Variants in IFT57 observed in about 807,000 individuals in gnomAD.
IFT57 encodes intraflagellar transport 57.
Under a neutral mutation model 56.8 loss-of-function variants are expected in IFT57, and 59 were observed. That is an observed-to-expected ratio of 1.04 (90% CI 0.84 to 1.29). The LOEUF (loss-of-function observed/expected upper bound fraction) is 1.29. Among genes scored for constraint, IFT57 ranks in the 50% most tolerant of loss-of-function variants. The pLI, the probability that IFT57 is intolerant of heterozygous loss-of-function variation, is 0.00. For missense variants in IFT57, 470 were observed against 522.1 expected, an observed-to-expected ratio of 0.90 and a Z score of 0.97; for synonymous variants, 209 against 186.1, an observed-to-expected ratio of 1.12 and a Z score of -1.00.
chr3:108,167,074 T>A, intron 7 of IFT57, 89 bp from the exon 8 acceptor site: 1 of 1,175,806 alleles, frequency 8.5e-7, no homozygotes, highest in Non-Finnish European at 1.2e-6. Flanking sequence ...CAATCCATTC[T>A]ACAAATAATC....
intron 6 of IFT57, among the ~76,000 whole-genome samples, chr3:108,183,924 C>G (rs2080164988): frequency 1.3e-5 from 2 of 152,090 alleles, no homozygotes; most frequent in South Asian, 4.1e-4. Context: ...TCTTTGGCAG[C>G]TCAGCTTCAA....
chr3:108,187,277 TGCATTCTTTGAGAACTG>T (rs1008830500), intron 6 of IFT57, among the ~76,000 whole-genome samples: 5 of 152,226 alleles, frequency 3.3e-5, no homozygotes, highest in African/African-American at 9.6e-5. Flanking sequence ...AAAATTAGTT[TGCATTCTTTGAGAACTG>T]GCAATAGTAG....
intron 6 of IFT57, among the ~76,000 whole-genome samples, chr3:108,179,382 A>G (rs768749392): frequency 1.3e-5 from 2 of 151,998 alleles, no homozygotes; most frequent in Non-Finnish European, 2.9e-5. Flanking sequence ...ACCATGATAG[A>G]AGGAGGTGCA....
At chr3:108,172,152 G>GT in intron 6 of IFT57, among the ~76,000 whole-genome samples, 1 of 151,846 alleles carries the variant, frequency 6.6e-6, no homozygotes, top group Non-Finnish European at 1.5e-5. Context: ...AAAACTCCAT[G>GT]GAGGGGCTGG....
intron 6 of IFT57, among the ~76,000 whole-genome samples, chr3:108,190,299 G>A (rs567475107): frequency 2.6e-5 from 4 of 152,216 alleles, no homozygotes; most frequent in East Asian, 1.9e-4. Flanking sequence ...GGGAGAGGCC[G>A]GGGCAGAATT....
intron 5 of IFT57, among the ~76,000 whole-genome samples, chr3:108,192,246 G>A (rs1163891106): frequency 6.9e-6 from 1 of 144,570 alleles, no homozygotes; most frequent in African/African-American, 2.6e-5. Context: ...AAATCTGAAA[G>A]ACAAAATATA....
intron 5 of IFT57, among the ~76,000 whole-genome samples, chr3:108,194,720 C>A (rs1053682579): frequency 6.6e-5 from 10 of 152,030 alleles, no homozygotes; most frequent in African/African-American, 2.4e-4. Context: ...GATAAAAACA[C>A]CAAGAACATA....
intron 1 of IFT57, among the ~76,000 whole-genome samples, chr3:108,221,564 A>C (rs1195799749): frequency 2.0e-5 from 3 of 152,240 alleles, no homozygotes; most frequent in African/African-American, 7.2e-5. Context: ...AACCATAGCA[A>C]GTAGTTAACA....
At chr3:108,217,486 A>G (rs2107222369) in intron 3 of IFT57, among the ~76,000 whole-genome samples, 1 of 152,182 alleles carries the variant, frequency 6.6e-6, no homozygotes, top group East Asian at 1.9e-4. Context: ...ATTGTACTAA[A>G]TAATAATGTT....
At chr3:108,182,572 C>T (rs992211287) in intron 6 of IFT57, among the ~76,000 whole-genome samples, 2 of 152,022 alleles carry the variant, frequency 1.3e-5, no homozygotes, top group African/African-American at 2.4e-5. Flanking sequence ...CTCAAGGCAA[C>T]GCTTATACAG....
chr3:108,209,649 T>C (rs144451849), intron 4 of IFT57, among the ~76,000 whole-genome samples: 190 of 152,326 alleles, frequency 1.2e-3, no homozygotes, highest in African/African-American at 4.4e-3. Context: ...ATGGGCTTTA[T>C]TCAATCCACT....
At chr3:108,199,936 A>G (rs1447343155) in intron 5 of IFT57, among the ~76,000 whole-genome samples, 1 of 152,224 alleles carries the variant, frequency 6.6e-6, no homozygotes, top group Non-Finnish European at 1.5e-5. Flanking sequence ...AATAGGAAAG[A>G]GAAGCATTGG....
At chr3:108,198,939 G>A (rs2080261384) in intron 5 of IFT57, among the ~76,000 whole-genome samples, 1 of 151,390 alleles carries the variant, frequency 6.6e-6, no homozygotes, top group African/African-American at 2.4e-5. Flanking sequence ...CCACATATTT[G>A]TATTATTTTA....
rs751552757 is a variant in IFT57 at position 108,222,261 on chromosome 3, C to A, written c.62G>T (p.Arg21Leu). Reference protein sequence around the residue: ...SGLEDGVPRSRGEGTGEVVLE... With the variant: ...SGLEDGVPRSLGEGTGEVVLE... ...GACCACTTCCCCGGTCCCTTCGCCA[C>A]GGGACCTAGGCACCCCATCTTCCAA... is the stretch of plus-strand genomic sequence containing the variant. The change falls in exon 1 of 11, where the codon CGT becomes CTT. Residue 21 changes from arginine (R) to leucine (L), a missense_variant. Transcript: ENST00000264538. The A allele has an allele frequency of 1.2e-6, 2 of 1,614,068 alleles. No individual in the cohort carries two copies. The highest frequency in any genetic ancestry group is 1.7e-6 in the Non-Finnish European group (2 of 1,180,022).
At chr3:108,192,682 A>G (rs910452629) in intron 5 of IFT57, among the ~76,000 whole-genome samples, 3 of 152,062 alleles carry the variant, frequency 2.0e-5, no homozygotes, top group African/African-American at 7.2e-5. Context: ...AAGATACTAA[A>G]GGGATATAAA....
In IFT57 at chr3:108,162,321, G is replaced by A. The variant is rs1490360175; in HGVS notation, c.*156C>T. On this transcript the variant is annotated 3_prime_UTR_variant, in exon 11 of 11. Transcript: ENST00000264538. Reference sequence around the variant, plus strand: ...ATTAAACATTACATTCAGTGTAAAGGCTTTAACCATCATAATCACCATGAT... The same window carrying A: ...ATTAAACATTACATTCAGTGTAAAGACTTTAACCATCATAATCACCATGAT... The A allele has an allele frequency of 2.5e-5, 13 of 520,256 alleles. No homozygotes were observed. The East Asian group carries it at 4.0e-4, about 16-fold the overall frequency. 32.2% of individuals were successfully genotyped at this position (520,256 alleles called of 1,614,324 possible).
Position 108,162,232 on chromosome 3 carries a change from G to A in IFT57, c.*245C>T. 3.0e-6 allele frequency: 1 copy of A among 336,960 alleles called. No homozygotes were observed. The highest frequency in any genetic ancestry group is 5.1e-5 in the East Asian group (1 of 19,716). 20.9% of individuals were successfully genotyped at this position (336,960 alleles called of 1,614,324 possible). ...GCTATGAAAAATGAGCCACCAGGTG[G>A]GAGCTTTAACATAGGTAATGATTAG... On this transcript the variant is annotated 3_prime_UTR_variant, in exon 11 of 11. Transcript: ENST00000264538.
At chr3:108,185,868 C>T (rs1314047975) in intron 6 of IFT57, among the ~76,000 whole-genome samples, 2 of 152,062 alleles carry the variant, frequency 1.3e-5, no homozygotes, top group Admixed American at 6.6e-5. Context: ...CTTTTCTGGA[C>T]TGGTTCCATC....
intron 5 of IFT57, among the ~76,000 whole-genome samples, chr3:108,201,531 T>C (rs1458308785): frequency 6.6e-6 from 1 of 152,144 alleles, no homozygotes; most frequent in African/African-American, 2.4e-5. Context: ...CTCAAACATG[T>C]GGCATTTTAA....
Sources: allele counts gnomAD v4.1 joint callset (sites outside exome capture counted in the v4.1 genomes callset), GRCh38; gene constraint gnomAD v4.1.1; transcripts MANE v1.5; gene names NCBI Gene and HGNC (gene_info 2026-07-23, HGNC 2026-07-21).